GRK5: variants seen among roughly 807,000 people sequenced by gnomAD.
GRK5 encodes g protein-coupled receptor kinase GRK5.
A neutral mutation model predicts 78.4 loss-of-function variants in GRK5; 40 were observed. The observed-to-expected ratio is 0.51, with a 90% CI of 0.40 to 0.66. GRK5 has a LOEUF of 0.66. Ranked by LOEUF, GRK5 falls within the 30% of genes least tolerant of loss-of-function variation. The pLI is 0.00. For missense variants in GRK5, 598 were observed against 759.9 expected, an observed-to-expected ratio of 0.79 and a Z score of 2.50; for synonymous variants, 289 against 296.8, an observed-to-expected ratio of 0.97 and a Z score of 0.27.
At chr10:119,364,452 G>A (rs1266598621) in intron 2 of GRK5, among the ~76,000 whole-genome samples, 1 of 152,230 alleles carries the variant, frequency 6.6e-6, no homozygotes, top group Non-Finnish European at 1.5e-5. Flanking sequence ...TCTCTGTCCT[G>A]GTGGTGGTTG....
At chr10:119,397,564 C>G (rs1278975897) in intron 4 of GRK5, among the ~76,000 whole-genome samples, 1 of 152,190 alleles carries the variant, frequency 6.6e-6, no homozygotes, top group Admixed American at 6.5e-5. Flanking sequence ...GTCCCATCCC[C>G]CGGGGCCAGT....
chr10:119,235,021 C>T (rs982904523), intron 1 of GRK5, among the ~76,000 whole-genome samples: 3 of 152,158 alleles, frequency 2.0e-5, no homozygotes, highest in Non-Finnish European at 4.4e-5. Flanking sequence ...GTTGCCCAGG[C>T]TGGAGTGCAG....
At chr10:119,357,829 A>C (rs1851288793) in intron 2 of GRK5, among the ~76,000 whole-genome samples, 1 of 140,706 alleles carries the variant, frequency 7.1e-6, no homozygotes, top group South Asian at 2.6e-4. Flanking sequence ...AACATTAGCC[A>C]TGCCATTGGC....
At position 119,430,072 on chromosome 10, in the gene GRK5, A is replaced by G. The variant is rs1852784103; in HGVS notation, c.534-303A>G. Among the ~76,000 whole-genome samples, 1 of 152,136 alleles carries G rather than the reference A, an allele frequency of 6.6e-6. No individual in the cohort carries two copies. The highest frequency in any genetic ancestry group is 2.1e-4 in the South Asian group (1 of 4,828). On this transcript the variant is annotated intron_variant, in intron 6 of 15. Coordinates refer to ENST00000392870, the MANE Select transcript of GRK5 (RefSeq NM_005308.3). This position sits in a 1 kb window ranked among gnomAD's most constrained non-coding sequence, Gnocchi z 4.5. ...TTGCAGAGAGAGGAGAACCACATGG[A>G]GAGTGTGGTCAAGCACCTCTGCACT...
At chr10:119,347,011 T>C (rs945945751) in intron 2 of GRK5, among the ~76,000 whole-genome samples, 1 of 152,166 alleles carries the variant, frequency 6.6e-6, no homozygotes, top group Admixed American at 6.5e-5. Context: ...CATCAAGATA[T>C]GGTTACGATT....
intron 2 of GRK5, among the ~76,000 whole-genome samples, chr10:119,358,464 C>T (rs1159257147): frequency 6.6e-6 from 1 of 152,166 alleles, no homozygotes; most frequent in East Asian, 1.9e-4. Flanking sequence ...CACCCGGCAG[C>T]CTGGCCGCCT....
intron 1 of GRK5, among the ~76,000 whole-genome samples, chr10:119,290,512 T>C (rs1849938021): frequency 6.6e-6 from 1 of 152,172 alleles, no homozygotes; most frequent in African/African-American, 2.4e-5. Flanking sequence ...GTGACGATTT[T>C]AAAGCTGCAT....
rs1363819522 is a variant in GRK5 at position 119,374,724 on chromosome 10, T to C, written c.149-6091T>C. ...GCCTAAGTCTCATGTTGAGATGTAA[T>C]CCCTAATGTTGAGGTGGAGCCTGGT... On this transcript the variant is annotated intron_variant, in intron 2 of 15. Coordinates refer to ENST00000392870, the MANE Select transcript of GRK5 (RefSeq NM_005308.3). Among the ~76,000 whole-genome samples the C allele has an allele frequency of 3.9e-5, 6 of 152,184 alleles. No individual in the cohort carries two copies. In the East Asian group the frequency reaches 1.2e-3, roughly 29 times the overall value.
intron 2 of GRK5, among the ~76,000 whole-genome samples, chr10:119,342,266 C>G (rs1850996580): frequency 6.6e-6 from 1 of 152,224 alleles, no homozygotes; most frequent in Admixed American, 6.5e-5. Flanking sequence ...TCAGTTGGGA[C>G]AAAGCCATTG....
In GRK5 at chr10:119,253,070, G is replaced by A. The variant is rs960231922; in HGVS notation, c.52+45101G>A. 2.0e-5 allele frequency among the ~76,000 whole-genome samples: 3 copies of A among 152,172 alleles called. No homozygotes were observed. Among genetic ancestry groups the A allele is most frequent in the Non-Finnish European group, 4.4e-5 (3 of 68,010 alleles). ...GACAGTGCCCTGGTTTTCCTGATAC[G>A]CCCCCTTAGTGCTCAAGGCTGGTTT... On this transcript the variant is annotated intron_variant, in intron 1 of 15. Transcript: ENST00000392870. The surrounding 1 kb of genome is among the most constrained non-coding windows in gnomAD (Gnocchi z 5.7).
At position 119,217,244 on chromosome 10, in the gene GRK5, G is replaced by T. The variant is rs1243295339; in HGVS notation, c.52+9275G>T. On this transcript the variant is annotated intron_variant, in intron 1 of 15. Coordinates refer to ENST00000392870, the MANE Select transcript of GRK5 (RefSeq NM_005308.3). This position sits in a 1 kb window ranked among gnomAD's most constrained non-coding sequence, Gnocchi z 4.1. ...GAATATAATTTCTGTCTCAGACCGT[G>T]ATTTCAGCTGAGGGCCAGTTTGAGA... Among the ~76,000 whole-genome samples the T allele has an allele frequency of 6.6e-6, 1 of 152,236 alleles. No homozygotes were observed. Among genetic ancestry groups the T allele is most frequent in the African/African-American group, 2.4e-5 (1 of 41,460 alleles).
Position 119,448,109 on chromosome 10 carries a change from GCTCT to G in GRK5, c.1267-11_1267-8del. On this transcript the variant is annotated splice_polypyrimidine_tract_variant and intron_variant, in intron 12 of 15. Coordinates refer to ENST00000392870, the MANE Select transcript of GRK5 (RefSeq NM_005308.3). ...GGCCCAGGGGACGTGGCTTCATGGG[GCTCT>G]CTGTTTCAGCTGCTCACGAAAGATG... The G allele has an allele frequency of 1.3e-6, 2 of 1,529,748 alleles. No homozygotes were observed. The highest frequency in any genetic ancestry group is 1.7e-6 in the Non-Finnish European group (2 of 1,144,078). 94.8% of individuals were successfully genotyped at this position (1,529,748 alleles called of 1,614,324 possible).
chr10:119,333,708 C>T (rs569982953), intron 2 of GRK5: 23 of 516,680 alleles, frequency 4.5e-5, no homozygotes, highest in Middle Eastern at 3.5e-4. Flanking sequence ...GTGTGTGCAG[C>T]GAGTTCCTCT....
rs182416600 is a variant in GRK5, at chr10:119,449,244, T to C, written c.1404+984T>C. On this transcript the variant is annotated intron_variant, in intron 13 of 15. Coordinates refer to ENST00000392870, the MANE Select transcript of GRK5 (RefSeq NM_005308.3). ...TGCAAATGCTACAAATCAGGGCCTC[T>C]GCGTCCCCCTCTCCCAGAACCAGTG... 4.1e-3 allele frequency among the ~76,000 whole-genome samples: 617 copies of C among 152,320 alleles called. 3 individuals carry two copies. The highest frequency in any genetic ancestry group is 0.014 in the African/African-American group (589 of 41,560).
chr10:119,317,494 C>T (rs1420628052), intron 1 of GRK5, among the ~76,000 whole-genome samples: 1 of 152,016 alleles, frequency 6.6e-6, no homozygotes, highest in African/African-American at 2.4e-5. Flanking sequence ...TCTCATTGGC[C>T]CGGACCCCTC....
At chr10:119,262,597 C>T (rs1849431242) in intron 1 of GRK5, among the ~76,000 whole-genome samples, 1 of 152,112 alleles carries the variant, frequency 6.6e-6, no homozygotes, top group Non-Finnish European at 1.5e-5. Context: ...CCACCTCAGC[C>T]TCCCAAAGTG....
chr10:119,399,215 G>A lies in GRK5; in HGVS notation c.339+2443G>A, dbSNP rs527564311. On this transcript the variant is annotated intron_variant, in intron 4 of 15. Coordinates refer to ENST00000392870, the MANE Select transcript of GRK5 (RefSeq NM_005308.3). Reference sequence around the variant, plus strand: ...AAATTTAAGCCACACCATATGTTACGGCCAGGGAGGCCTCCAGGGGAGGTG... The same window carrying A: ...AAATTTAAGCCACACCATATGTTACAGCCAGGGAGGCCTCCAGGGGAGGTG... Among the ~76,000 whole-genome samples the A allele has an allele frequency of 4.6e-5, 7 of 152,322 alleles. No individual in the cohort carries two copies. In the East Asian group the frequency reaches 7.7e-4, roughly 17 times the overall value.
intron 3 of GRK5, among the ~76,000 whole-genome samples, chr10:119,384,000 T>C (rs1851753324): frequency 6.6e-6 from 1 of 152,144 alleles, no homozygotes. Flanking sequence ...AAAGTCCAGG[T>C]TCCGAGGCTG....
rs78418024 is a variant in GRK5 at position 119,287,775 on chromosome 10, C to T, written c.53-38741C>T. Among the ~76,000 whole-genome samples, 14 of 152,296 alleles carry T rather than the reference C, an allele frequency of 9.2e-5. No individual in the cohort carries two copies. The South Asian group carries it at 1.5e-3, about 16-fold the overall frequency. On this transcript the variant is annotated intron_variant, in intron 1 of 15. Coordinates refer to ENST00000392870, the MANE Select transcript of GRK5 (RefSeq NM_005308.3). ...ACGGCTATGACTGCACCGTATCCAGCGCCGGGGCTATGTGGTCATGGGATG... is the reference window on the plus strand; with the variant it reads ...ACGGCTATGACTGCACCGTATCCAGTGCCGGGGCTATGTGGTCATGGGATG...
Sources: allele counts gnomAD v4.1 joint callset (sites outside exome capture counted in the v4.1 genomes callset), GRCh38; gene constraint gnomAD v4.1.1; non-coding constraint Gnocchi (gnomAD v3.1); transcripts MANE v1.5; gene names NCBI Gene and HGNC (gene_info 2026-07-23, HGNC 2026-07-21).